Variants in FARS2 observed in about 807,000 individuals in gnomAD.
FARS2 encodes phenylalanyl-tRNA synthetase 2, mitochondrial.
A neutral mutation model predicts 46.4 loss-of-function variants in FARS2; 40 were observed. That is an observed-to-expected ratio of 0.86 (90% CI 0.67 to 1.12). The LOEUF (loss-of-function observed/expected upper bound fraction) is 1.12. Among genes scored for constraint, FARS2 ranks in the 50% most tolerant of loss-of-function variants. The pLI is 0.00. For missense variants in FARS2, 513 were observed against 567.9 expected, an observed-to-expected ratio of 0.90 and a Z score of 0.98; for synonymous variants, 234 against 214.9, an observed-to-expected ratio of 1.09 and a Z score of -0.78.
At chr6:5,607,898 T>G (rs1774934138) in intron 5 of FARS2, among the ~76,000 whole-genome samples, 1 of 151,126 alleles carries the variant, frequency 6.6e-6, no homozygotes, top group Non-Finnish European at 1.5e-5. Flanking sequence ...AATAAAGAAT[T>G]GTGACCACAC....
intron 1 of FARS2, among the ~76,000 whole-genome samples, chr6:5,317,765 G>A (rs938724868): frequency 3.3e-5 from 5 of 151,134 alleles, no homozygotes; most frequent in Non-Finnish European, 5.9e-5. Flanking sequence ...GTGCAATAAA[G>A]CAAAGACCCT....
At chr6:5,677,120 T>C (rs777864299) in intron 6 of FARS2, among the ~76,000 whole-genome samples, 29 of 152,380 alleles carry the variant, frequency 1.9e-4, no homozygotes, top group Non-Finnish European at 3.4e-4. Flanking sequence ...CAAAGATGAT[T>C]AATTTTTATA....
chr6:5,570,648 T>G lies in FARS2; in HGVS notation c.1065+25308T>G, dbSNP rs183644802. Among the ~76,000 whole-genome samples, 1,264 of 152,266 alleles carry G rather than the reference T, an allele frequency of 8.3e-3. 9 individuals are homozygous for G. The highest frequency in any genetic ancestry group is 0.017 in the South Asian group (84 of 4,828). On this transcript the variant is annotated intron_variant, in intron 5 of 6. Transcript: ENST00000274680. ...CCTTTTTAAAGAAAAAAAGAGAGAA[T>G]GGAAGACACTCTGTTAATAGGTTAT...
At chr6:5,458,669 TTTG>T (rs1241176981) in intron 4 of FARS2, among the ~76,000 whole-genome samples, 1 of 152,180 alleles carries the variant, frequency 6.6e-6, no homozygotes, top group Non-Finnish European at 1.5e-5. Context: ...TAAGGACATG[TTTG>T]TTGTTTCTTC....
At chr6:5,614,865 A>G (rs1374434411) in intron 6 of FARS2, among the ~76,000 whole-genome samples, 2 of 152,222 alleles carry the variant, frequency 1.3e-5, no homozygotes, top group African/African-American at 4.8e-5. Flanking sequence ...TCGCATGTTC[A>G]AAACTGTTTA....
chr6:5,334,662 A>G (rs1771034187), intron 1 of FARS2, among the ~76,000 whole-genome samples: 1 of 152,198 alleles, frequency 6.6e-6, no homozygotes, highest in South Asian at 2.1e-4. Flanking sequence ...GTGGTGGAAG[A>G]TGGGCATGTA....
chr6:5,465,229 T>C (rs975230943), intron 4 of FARS2, among the ~76,000 whole-genome samples: 19 of 152,306 alleles, frequency 1.2e-4, no homozygotes, highest in African/African-American at 4.6e-4. Context: ...TTTTGTGTAG[T>C]TGTATTAGGA....
intron 2 of FARS2, among the ~76,000 whole-genome samples, chr6:5,394,775 T>TA (rs1562008816): frequency 2.4e-4 from 36 of 151,598 alleles, no homozygotes; most frequent in South Asian, 8.3e-4. Context: ...GTGTTTTTTT[T>TA]TAAAAAAAAA....
At chr6:5,703,818 G>T (rs903842658) in intron 6 of FARS2, among the ~76,000 whole-genome samples, 5 of 152,174 alleles carry the variant, frequency 3.3e-5, no homozygotes, top group African/African-American at 1.2e-4. Flanking sequence ...CTCTCCCACA[G>T]AGGCCCTGCC....
At chr6:5,321,514 C>G (rs1280202256) in intron 1 of FARS2, among the ~76,000 whole-genome samples, 2 of 152,090 alleles carry the variant, frequency 1.3e-5, no homozygotes, top group African/African-American at 2.4e-5. Flanking sequence ...TGAGTGTGGC[C>G]TCTGTGCCTT....
chr6:5,610,520 A>G (rs1038762179), intron 5 of FARS2, among the ~76,000 whole-genome samples: 2 of 152,168 alleles, frequency 1.3e-5, no homozygotes, highest in Admixed American at 6.5e-5. Context: ...TTTACATTGT[A>G]TTAGGTATTA....
chr6:5,307,498 C>T (rs1768791378), intron 1 of FARS2, among the ~76,000 whole-genome samples: 2 of 152,178 alleles, frequency 1.3e-5, no homozygotes, highest in African/African-American at 4.8e-5. Context: ...CACGCGTGCA[C>T]ACACACATGC....
chr6:5,597,485 C>T (rs995106710), intron 5 of FARS2, among the ~76,000 whole-genome samples: 12 of 152,274 alleles, frequency 7.9e-5, no homozygotes, highest in Middle Eastern at 3.4e-3. Flanking sequence ...AGACACAGAG[C>T]GGCGCCTGAT....
upstream of FARS2, among the ~76,000 whole-genome samples, chr6:5,256,643 C>T (rs910790567): frequency 4.0e-5 from 6 of 150,700 alleles, no homozygotes; most frequent in South Asian, 2.1e-4. Context: ...ATGTGACTTG[C>T]GTGGGGTCAC....
At chr6:5,386,932 T>C (rs1211323950) in intron 2 of FARS2, among the ~76,000 whole-genome samples, 1 of 152,178 alleles carries the variant, frequency 6.6e-6, no homozygotes, top group South Asian at 2.1e-4. Flanking sequence ...GCTATCAGTT[T>C]AGCTGCATTC....
chr6:5,541,605 T>G (rs1266875709), intron 4 of FARS2, among the ~76,000 whole-genome samples: 1 of 152,224 alleles, frequency 6.6e-6, no homozygotes, highest in Non-Finnish European at 1.5e-5. Context: ...TATTTTGTTC[T>G]GTATAGGAAT....
At chr6:5,592,223 A>G (rs185464149) in intron 5 of FARS2, among the ~76,000 whole-genome samples, 26 of 152,196 alleles carry the variant, frequency 1.7e-4, no homozygotes, top group Non-Finnish European at 2.9e-4. Flanking sequence ...CATCTCTACA[A>G]AAAAATACAA....
At chr6:5,371,666 T>C (rs948211945) in intron 2 of FARS2, among the ~76,000 whole-genome samples, 10 of 152,160 alleles carry the variant, frequency 6.6e-5, no homozygotes, top group African/African-American at 2.4e-4. Context: ...ATAAAATTAC[T>C]GAGTAACTTC....
At position 5,264,399 on chromosome 6, in the gene FARS2, G is replaced by A. The variant is rs144527014; in HGVS notation, c.-22+2739G>A. ...TATCAACTCATTCATTTGTACAGAT[G>A]AACAAACTGAAGACTTTTTCCTCAT... On this transcript the variant is annotated intron_variant, in intron 1 of 6. Coordinates refer to ENST00000274680, the MANE Select transcript of FARS2 (RefSeq NM_006567.5). 8.2e-3 allele frequency among the ~76,000 whole-genome samples: 1,246 copies of A among 152,186 alleles called. 11 individuals carry two copies. Among genetic ancestry groups the A allele is most frequent in the Middle Eastern group, 0.027 (8 of 294 alleles).
Sources: gnomAD v4.1 joint callset for allele counts (sites outside exome capture counted in the v4.1 genomes callset) on GRCh38, gnomAD v4.1.1 for gene constraint, MANE v1.5 for transcripts, NCBI Gene and HGNC (gene_info 2026-07-23, HGNC 2026-07-21) for gene names.